EHD1: variants seen among roughly 807,000 people sequenced by gnomAD.
EHD1 encodes EH domain containing 1, also known as EH domain-containing protein 1.
In EHD1, 19 loss-of-function variants were observed where a neutral mutation model predicts 39.0. The observed-to-expected ratio is 0.49, with a 90% CI of 0.34 to 0.72. The LOEUF (loss-of-function observed/expected upper bound fraction) is 0.72, where lower values mean the gene tolerates loss of function less well. EHD1 is among the 30% of genes least tolerant of loss of function. EHD1 has a pLI of 0.01. For missense variants in EHD1, 542 were observed against 751.5 expected (o/e 0.72, Z 3.26); for synonymous variants, 323 against 331.2 (o/e 0.98, Z 0.27).
Position 64,863,737 on chromosome 11 carries a change from C to T in EHD1, c.503-3401G>A, listed in dbSNP as rs374144499. Reference sequence around the variant, plus strand: ...ACACCTGGCGCTCCCAGAAGGAACTCGGGCCACTAACTAAGATGGCTCTGC... The same window carrying T: ...ACACCTGGCGCTCCCAGAAGGAACTTGGGCCACTAACTAAGATGGCTCTGC... On this transcript the variant is annotated intron_variant, in intron 2 of 4. Transcript: ENST00000320631. Among the ~76,000 whole-genome samples the T allele has an allele frequency of 7.9e-5, 12 of 152,358 alleles. 1 individual carries two copies. The highest frequency in any genetic ancestry group is 1.7e-4 in the African/African-American group (7 of 41,586).
intron 1 of EHD1, 66 bp downstream of exon 1, chr11:64,877,995 G>A (rs1943903459): frequency 1.4e-6 from 2 of 1,439,640 alleles, no homozygotes; most frequent in South Asian, 1.5e-5. Flanking sequence ...CCACGGGAGG[G>A]TCAGGCTCCG....
At chr11:64,874,283 G>A (rs1378826531) in intron 2 of EHD1, 138 bp downstream of exon 2, 7 of 751,700 alleles carry the variant, frequency 9.3e-6, no homozygotes, top group Middle Eastern at 3.2e-4. Context: ...CAGCCTGGGT[G>A]ACAGAGTAAG....
chr11:64,877,975 G>A, intron 1 of EHD1, 86 bp downstream of exon 1: 3 of 1,359,902 alleles, frequency 2.2e-6, no homozygotes, highest in Non-Finnish European at 2.9e-6. Flanking sequence ...AAAGGACGGC[G>A]GGGCGACAGC....
At position 64,852,924 on chromosome 11, in the gene EHD1, G is replaced by A. The variant is rs544785884; in HGVS notation, c.*1409C>T. ...TTCCTGCAGACTCCGAGCAGCGCTG[G>A]GGAGAAGCTCCCTGAGACCCCCGCG... On this transcript the variant is annotated 3_prime_UTR_variant, in exon 5 of 5. Transcript: ENST00000320631. 1.3e-5 allele frequency: 2 copies of A among 152,426 alleles called. No homozygotes were observed. The highest frequency in any genetic ancestry group is 4.8e-5 in the African/African-American group (2 of 41,462). The allele number at this position is 152,426 out of a possible 1,614,324, so 9.4% of individuals were successfully genotyped here. A position where few individuals can be genotyped will look rare whatever the true frequency, so the allele number is the denominator to read the frequency against.
chr11:64,873,403 C>T (rs1943850600), intron 2 of EHD1, among the ~76,000 whole-genome samples: 1 of 152,222 alleles, frequency 6.6e-6, no homozygotes, highest in African/African-American at 2.4e-5. Context: ...CTGTTAAACA[C>T]AGACTAAAGC....
At chr11:64,862,223 T>TA (rs1423938669) in intron 2 of EHD1, among the ~76,000 whole-genome samples, 4 of 152,228 alleles carry the variant, frequency 2.6e-5, no homozygotes, top group Admixed American at 6.5e-5. Flanking sequence ...CTCTATTCTA[T>TA]ATTGCTTCCC....
At position 64,878,588 on chromosome 11, in the gene EHD1, ACAGCC is replaced by A; in HGVS notation, c.-129_-125del. On this transcript the variant is annotated 5_prime_UTR_variant, in exon 1 of 5. Transcript: ENST00000320631. ...GGAGCGACCCACACTGCGCAGGCGC[ACAGCC>A]CAGCCCGTCGAAGCGCCCTCTGCCG... 1 of 1,439,950 alleles carries A rather than the reference ACAGCC, an allele frequency of 6.9e-7. No individual in the cohort carries two copies. The highest frequency in any genetic ancestry group is 1.4e-5 in the South Asian group (1 of 69,080). The allele number at this position is 1,439,950 out of a possible 1,614,324, so 89.2% of individuals were successfully genotyped here.
At chr11:64,878,895 A>G (rs1943923223), upstream of EHD1, 3 of 1,039,002 alleles carry the variant, frequency 2.9e-6, no homozygotes, top group Non-Finnish European at 3.5e-6. Flanking sequence ...GAAGGCGAGG[A>G]GCGGGCGTTC....
At chr11:64,867,189 C>T (rs375964944) in intron 2 of EHD1, among the ~76,000 whole-genome samples, 31 of 152,048 alleles carry the variant, frequency 2.0e-4, no homozygotes, top group Admixed American at 1.8e-3. Context: ...GAGGCCAAGG[C>T]GGGCTGATCA....
upstream of EHD1, chr11:64,879,567 C>T: frequency 3.9e-6 from 6 of 1,550,456 alleles, no homozygotes; most frequent in Non-Finnish European, 5.2e-6. Flanking sequence ...GGGGTCACCA[C>T]CATTTACCAT....
At chr11:64,879,211 A>G (rs1943927251), upstream of EHD1, 3 of 1,092,298 alleles carry the variant, frequency 2.7e-6, no homozygotes, top group South Asian at 2.7e-5. Flanking sequence ...CTGAGGGAGT[A>G]GAGAATCCGG....
At chr11:64,859,855 C>CT in intron 3 of EHD1, 69 bp downstream of exon 3, 1 of 1,538,980 alleles carries the variant, frequency 6.5e-7, no homozygotes, top group Non-Finnish European at 8.7e-7. Flanking sequence ...TCCTGGGGCC[C>CT]TGAGTGCCAG....
rs989554685 is a variant in EHD1, at chr11:64,866,475, T to C, written c.503-6139A>G. 2.0e-5 allele frequency among the ~76,000 whole-genome samples: 3 copies of C among 152,074 alleles called. No homozygotes were observed. In the South Asian group the frequency reaches 6.2e-4, roughly 32 times the overall value. ...CTCTGGGAGGCTGAGGCAGGAGGACTGCTTGAGTCCAGCCTGGGTAACATA... is the reference window on the plus strand; with the variant it reads ...CTCTGGGAGGCTGAGGCAGGAGGACCGCTTGAGTCCAGCCTGGGTAACATA... On this transcript the variant is annotated intron_variant, in intron 2 of 4. Transcript: ENST00000320631.
In EHD1 at chr11:64,878,218, A is replaced by C; in HGVS notation, c.247T>G (p.Phe83Val). 6.2e-7 allele frequency: 1 copy of C among 1,612,892 alleles called. No homozygotes were observed. Among genetic ancestry groups the C allele is most frequent in the Non-Finnish European group, 8.5e-7 (1 of 1,179,024 alleles). Residue 83 changes from phenylalanine (F) to valine (V), a missense_variant, in exon 1 of 5, where the codon TTC (phenylalanine) becomes GTC (valine). Phe to Val is a conservative substitution (Grantham distance 50, BLOSUM62 -1). Coordinates refer to ENST00000320631, the MANE Select transcript of EHD1 (RefSeq NM_006795.4). ...TCGGGCCCGATGCGCATCCCCGGGA[A>C]GTCCTGCTCGATCAGGTGTCGGATG... ...TFIRHLIEQD[F>V]PGMRIGPEPT...
intron 2 of EHD1, among the ~76,000 whole-genome samples, chr11:64,864,882 A>C (rs1479025275): frequency 2.0e-5 from 3 of 151,426 alleles, no homozygotes; most frequent in Admixed American, 6.6e-5. Flanking sequence ...GCAAGGCCCC[A>C]CTCCCCCCTC....
chr11:64,858,664 C>G (rs187646946), intron 3 of EHD1, among the ~76,000 whole-genome samples: 13 of 152,316 alleles, frequency 8.5e-5, no homozygotes, highest in Admixed American at 4.6e-4. Flanking sequence ...CATGGTGACT[C>G]GTCTAGGCTG....
rs540857968 is a variant in EHD1, at chr11:64,859,881, G to C, written c.915+43C>G. The C allele has an allele frequency of 6.5e-4, 1,029 of 1,573,312 alleles. 15 individuals carry two copies. In the South Asian group the frequency reaches 0.012, roughly 18 times the overall value. ...TGAGTGCCAGTCTCAGAGCCCCATG[G>C]CCCTGCCTGGCAATAGGCTGCTCCC... On this transcript the variant is annotated intron_variant, in intron 3 of 4. Coordinates refer to ENST00000320631, the MANE Select transcript of EHD1 (RefSeq NM_006795.4).
chr11:64,858,265 T>C (rs1172482903), intron 3 of EHD1, among the ~76,000 whole-genome samples: 2 of 149,506 alleles, frequency 1.3e-5, no homozygotes, highest in East Asian at 3.9e-4. Context: ...CACTGCAACC[T>C]CTCCCTCCTG....
At chr11:64,865,682 T>C (rs942596784) in intron 2 of EHD1, among the ~76,000 whole-genome samples, 1 of 152,248 alleles carries the variant, frequency 6.6e-6, no homozygotes, top group Admixed American at 6.5e-5. Flanking sequence ...CTAGAAGACA[T>C]GATGCTAAGT....
Sources: allele counts gnomAD v4.1 joint callset (sites outside exome capture counted in the v4.1 genomes callset), GRCh38; gene constraint gnomAD v4.1.1; transcripts MANE v1.5; gene names NCBI Gene and HGNC (gene_info 2026-07-23, HGNC 2026-07-21).